The following KCNH7 variants were observed in gnomAD, a reference collection of about 807,000 sequenced individuals.
KCNH7 encodes the protein voltage-gated inwardly rectifying potassium channel KCNH7.
In KCNH7, 49 loss-of-function variants were observed where a neutral mutation model predicts 120.8. The ratio of observed to expected loss-of-function variants is 0.41; its 90% CI spans 0.32 to 0.51. The LOEUF (loss-of-function observed/expected upper bound fraction) is 0.51, where lower values mean the gene tolerates loss of function less well. Ranked by LOEUF, KCNH7 falls within the 20% of genes least tolerant of loss-of-function variation. KCNH7 has a pLI of 0.38. For missense variants in KCNH7, 1,097 were observed against 1,446.6 expected (o/e 0.76, Z 3.92); for synonymous variants, 547 against 516.1 (o/e 1.06, Z -0.81).
At chr2:162,404,608 C>G (rs1687154208) in intron 9 of KCNH7, among the ~76,000 whole-genome samples, 2 of 151,864 alleles carry the variant, frequency 1.3e-5, no homozygotes, top group Non-Finnish European at 2.9e-5. Context: ...GCTCCTGCTC[C>G]TGCCATGTGA....
intron 2 of KCNH7, among the ~76,000 whole-genome samples, chr2:162,609,624 A>G (rs1682893647): frequency 6.6e-6 from 1 of 152,184 alleles, no homozygotes; most frequent in East Asian, 1.9e-4. Flanking sequence ...GAGTTAGTTA[A>G]GGGAGAAAGT....
intron 2 of KCNH7, among the ~76,000 whole-genome samples, chr2:162,702,357 A>T (rs1686540363): frequency 6.6e-6 from 1 of 152,152 alleles, no homozygotes; most frequent in African/African-American, 2.4e-5. Context: ...CAGTAGTAAA[A>T]TAAGTTGTAT....
intron 2 of KCNH7, among the ~76,000 whole-genome samples, chr2:162,569,041 C>G (rs1467939133): frequency 6.6e-6 from 1 of 152,110 alleles, no homozygotes; most frequent in Admixed American, 6.6e-5. Flanking sequence ...ATGCTGGTCT[C>G]ATAAAATGAG....
intron 2 of KCNH7, among the ~76,000 whole-genome samples, chr2:162,690,049 T>TA (rs1169843539): frequency 6.6e-6 from 1 of 152,076 alleles, no homozygotes; most frequent in Non-Finnish European, 1.5e-5. Flanking sequence ...TATGCAACCA[T>TA]AAAAAAACAA....
At chr2:162,773,967 A>AT (rs1167868229) in intron 2 of KCNH7, among the ~76,000 whole-genome samples, 4 of 151,910 alleles carry the variant, frequency 2.6e-5, no homozygotes, top group Non-Finnish European at 5.9e-5. Flanking sequence ...GTATTTTATG[A>AT]TTTTTTTTCT....
At chr2:162,586,513 C>G (rs1353914383) in intron 2 of KCNH7, among the ~76,000 whole-genome samples, 1 of 151,982 alleles carries the variant, frequency 6.6e-6, no homozygotes, top group Non-Finnish European at 1.5e-5. Context: ...CCAGGTGAGT[C>G]CAGCCAGGGT....
In KCNH7 at chr2:162,411,248, A is replaced by T. The variant is rs538847070; in HGVS notation, c.2155-10807T>A. On this transcript the variant is annotated intron_variant, in intron 9 of 15. Transcript: ENST00000332142. ...GTGGACTGGATAAAGAAAATGTGGC[A>T]CATATATGCAATGGAATACTATGCA... Among the ~76,000 whole-genome samples, 5 of 152,262 alleles carry T rather than the reference A, an allele frequency of 3.3e-5. No homozygotes were observed. The South Asian group carries it at 1.0e-3, about 32-fold the overall frequency.
intron 2 of KCNH7, among the ~76,000 whole-genome samples, chr2:162,759,100 G>C (rs1299196690): frequency 6.6e-6 from 1 of 152,108 alleles, no homozygotes; most frequent in Non-Finnish European, 1.5e-5. Context: ...GATTGGGCCT[G>C]GGTTTCTTTT....
intron 2 of KCNH7, among the ~76,000 whole-genome samples, chr2:162,739,003 T>C (rs945699913): frequency 6.6e-6 from 1 of 152,180 alleles, no homozygotes; most frequent in Non-Finnish European, 1.5e-5. Flanking sequence ...GCTCTGCTTC[T>C]TCTTCAGTGT....
chr2:162,742,779 G>C lies in KCNH7; in HGVS notation c.307+93758C>G, dbSNP rs993030351. On this transcript the variant is annotated intron_variant, in intron 2 of 15. Coordinates refer to ENST00000332142, the MANE Select transcript of KCNH7 (RefSeq NM_033272.4). ...GATGGTACTCTTGAAGTTTAGCAAA[G>C]ATACATATCTTGCTTGTGACATATG... is the stretch of plus-strand genomic sequence containing the variant. Among the ~76,000 whole-genome samples the C allele has an allele frequency of 5.9e-5, 9 of 152,280 alleles. No homozygotes were observed. The South Asian group carries it at 1.0e-3, about 18-fold the overall frequency.
chr2:162,377,081 G>C (rs530400745), intron 14 of KCNH7, among the ~76,000 whole-genome samples: 1 of 152,214 alleles, frequency 6.6e-6, no homozygotes, highest in Admixed American at 6.5e-5. Flanking sequence ...AGCTAAACAG[G>C]GTAGACTCCA....
At chr2:162,719,716 C>T (rs1687257083) in intron 2 of KCNH7, among the ~76,000 whole-genome samples, 3 of 151,996 alleles carry the variant, frequency 2.0e-5, no homozygotes, top group Non-Finnish European at 4.4e-5. Context: ...TCAACCTACT[C>T]GCTATTTCAA....
chr2:162,392,447 A>G (rs149966759), intron 12 of KCNH7, among the ~76,000 whole-genome samples: 173 of 152,082 alleles, frequency 1.1e-3, no homozygotes, highest in African/African-American at 3.9e-3. Context: ...GATCTCTTCT[A>G]GAAAGAGTAT....
intron 2 of KCNH7, among the ~76,000 whole-genome samples, chr2:162,578,845 A>C (rs556437697): frequency 6.6e-6 from 1 of 151,996 alleles, no homozygotes; most frequent in Non-Finnish European, 1.5e-5. Flanking sequence ...AATCCTACCA[A>C]ATTGTAATCA....
intron 2 of KCNH7, among the ~76,000 whole-genome samples, chr2:162,559,910 T>C (rs1033231075): frequency 1.3e-5 from 2 of 152,190 alleles, no homozygotes; most frequent in East Asian, 3.9e-4. Flanking sequence ...TATAGCTGTA[T>C]CACAAAAATT....
At chr2:162,811,178 C>G (rs1477900610) in intron 2 of KCNH7, among the ~76,000 whole-genome samples, 1 of 152,014 alleles carries the variant, frequency 6.6e-6, no homozygotes, top group African/African-American at 2.4e-5. Context: ...AGATAGGAAC[C>G]CGAAGGCGTG....
At chr2:162,648,330 C>T (rs543666277) in intron 2 of KCNH7, among the ~76,000 whole-genome samples, 52 of 152,190 alleles carry the variant, frequency 3.4e-4, no homozygotes, top group African/African-American at 1.2e-3. Context: ...ACAACCAGAT[C>T]TCCTGAGAAG....
At chr2:162,810,067 C>A (rs1220262593) in intron 2 of KCNH7, among the ~76,000 whole-genome samples, 1 of 74,972 alleles carries the variant, frequency 1.3e-5, no homozygotes, top group East Asian at 3.5e-4. Context: ...AGGCGCCCGC[C>A]ACCACGCCCA....
At chr2:162,599,641 T>C (rs184213918) in intron 2 of KCNH7, among the ~76,000 whole-genome samples, 13 of 148,512 alleles carry the variant, frequency 8.8e-5, no homozygotes, top group Non-Finnish European at 1.3e-4. Flanking sequence ...ATGTGGTCTC[T>C]TTTTTTTTTA....
Sources: gnomAD v4.1 joint callset for allele counts (sites outside exome capture counted in the v4.1 genomes callset) on GRCh38, gnomAD v4.1.1 for gene constraint, MANE v1.5 for transcripts, NCBI Gene and HGNC (gene_info 2026-07-23, HGNC 2026-07-21) for gene names.